GDAP1: variants seen among roughly 807,000 people sequenced by gnomAD.
GDAP1 encodes ganglioside induced differentiation associated protein 1, also known as ganglioside-induced differentiation-associated protein 1.
GDAP1 carries 34 observed loss-of-function variants against 40.1 expected under a neutral mutation model. The ratio of observed to expected loss-of-function variants is 0.85; its 90% CI spans 0.64 to 1.13. The LOEUF (loss-of-function observed/expected upper bound fraction) is 1.13. Ranked by LOEUF, GDAP1 falls within the 50% of genes most tolerant of loss-of-function variation. GDAP1 has a pLI of 0.00. For missense variants in GDAP1, 374 were observed against 433.7 expected (o/e 0.86, Z 1.22); for synonymous variants, 170 against 157.4 (o/e 1.08, Z -0.60).
intron 2 of GDAP1, among the ~76,000 whole-genome samples, chr8:74,390,461 T>G (rs1401623105): frequency 6.6e-6 from 1 of 152,230 alleles, no homozygotes; most frequent in Non-Finnish European, 1.5e-5. Context: ...TGCTGGAGTT[T>G]GCTGGAAGCC....
intron 2 of GDAP1, among the ~76,000 whole-genome samples, chr8:74,474,744 C>G (rs1451175236): frequency 3.9e-5 from 6 of 151,964 alleles, no homozygotes; most frequent in Admixed American, 2.0e-4. Context: ...GGATTTTGGC[C>G]TTCAGTTTTC....
intron 2 of GDAP1, among the ~76,000 whole-genome samples, chr8:74,398,174 T>A (rs1810243602): frequency 6.6e-6 from 1 of 152,162 alleles, no homozygotes; most frequent in Non-Finnish European, 1.5e-5. Context: ...TATTGGTGTA[T>A]AAGAATGCTT....
chr8:74,388,138 T>C (rs956797541), intron 2 of GDAP1, among the ~76,000 whole-genome samples: 1 of 152,186 alleles, frequency 6.6e-6, no homozygotes, highest in African/African-American at 2.4e-5. Context: ...CCTGGATTCA[T>C]TGATTCTTTG....
chr8:74,473,597 A>G (rs1806588267), intron 2 of GDAP1, among the ~76,000 whole-genome samples: 1 of 152,138 alleles, frequency 6.6e-6, no homozygotes, highest in Non-Finnish European at 1.5e-5. Flanking sequence ...GTTACAGATC[A>G]GATGGTTATA....
At chr8:74,432,038 A>G (rs1806033507) in intron 2 of GDAP1, among the ~76,000 whole-genome samples, 1 of 152,176 alleles carries the variant, frequency 6.6e-6, no homozygotes. Context: ...AATTTTAGTC[A>G]TTGTCATGCC....
At chr8:74,463,781 A>C (rs11990989) in intron 2 of GDAP1, among the ~76,000 whole-genome samples, 5,455 of 152,320 alleles carry the variant, frequency 0.036, 291 homozygotes, top group African/African-American at 0.12. Context: ...AATTACAAGA[A>C]AGCAATTCAG....
intron 2 of GDAP1, among the ~76,000 whole-genome samples, chr8:74,481,583 C>T (rs772364276): frequency 3.9e-5 from 6 of 152,148 alleles, no homozygotes; most frequent in Non-Finnish European, 8.8e-5. Flanking sequence ...CCAGACAAAC[C>T]TTCATTTTGG....
intron 2 of GDAP1, among the ~76,000 whole-genome samples, chr8:74,444,082 T>C (rs1271424462): frequency 6.6e-6 from 1 of 151,904 alleles, no homozygotes; most frequent in East Asian, 1.9e-4. Flanking sequence ...TAAAGCAGTT[T>C]AGATAGAAAA....
intron 2 of GDAP1, among the ~76,000 whole-genome samples, chr8:74,391,536 T>C (rs924592371): frequency 1.3e-5 from 2 of 151,670 alleles, no homozygotes; most frequent in Admixed American, 6.6e-5. Flanking sequence ...CCCAATGAGA[T>C]GACCTGGGTA....
In GDAP1 at chr8:74,415,514, A is replaced by G. The variant is rs367636255; in HGVS notation, c.165+64193A>G. 1.1e-4 allele frequency among the ~76,000 whole-genome samples: 16 copies of G among 150,116 alleles called. No homozygotes were observed. In the South Asian group the frequency reaches 3.1e-3, roughly 29 times the overall value. ...TGAAATATGTGGTGGGCTGCCACCTACATTGTGAGCCAGGCAGAAAACTGT... is the reference window on the plus strand; with the variant it reads ...TGAAATATGTGGTGGGCTGCCACCTGCATTGTGAGCCAGGCAGAAAACTGT... On this transcript the variant is annotated intron_variant, in intron 2 of 2. Coordinates refer to the GDAP1 transcript ENST00000523640.
intron 4 of GDAP1, among the ~76,000 whole-genome samples, chr8:74,362,555 C>G (rs1427720125): frequency 3.3e-5 from 5 of 152,212 alleles, no homozygotes; most frequent in Non-Finnish European, 7.3e-5. Context: ...CGCCGTTTAA[C>G]TCCTTCACTC....
rs1024274766 is a variant in GDAP1 at position 74,455,366 on chromosome 8, A to G, written c.166-33312A>G. 3.9e-5 allele frequency among the ~76,000 whole-genome samples: 6 copies of G among 151,934 alleles called. No individual in the cohort carries two copies. In the East Asian group the frequency reaches 7.7e-4, roughly 20 times the overall value. ...ACTAAACCTTTATCAGTTGTGAGAT[A>G]ATCCATTATTTTAGGTGTAACCAAG... On this transcript the variant is annotated intron_variant, in intron 2 of 2. Transcript: ENST00000523640.
chr8:74,356,711 TATATA>T (rs1809114341), intron 2 of GDAP1, among the ~76,000 whole-genome samples: 1 of 87,416 alleles, frequency 1.1e-5, no homozygotes, highest in Non-Finnish European at 2.4e-5. Flanking sequence ...TGTATATATA[TATATA>T]TTTTTTTTTT....
chr8:74,461,898 A>G (rs1178909461), intron 2 of GDAP1, among the ~76,000 whole-genome samples: 3 of 152,252 alleles, frequency 2.0e-5, no homozygotes, highest in Non-Finnish European at 4.4e-5. Context: ...GAATGAGAAA[A>G]ACAATTCTGT....
intron 4 of GDAP1, 76 bp downstream of exon 4, chr8:74,362,054 T>A: frequency 1.2e-6 from 1 of 804,700 alleles, no homozygotes; most frequent in Non-Finnish European, 2.2e-6. Flanking sequence ...GTACCACTAT[T>A]TCTAGAATAT....
chr8:74,419,316 C>G (rs1341998169), intron 2 of GDAP1, among the ~76,000 whole-genome samples: 1 of 152,134 alleles, frequency 6.6e-6, no homozygotes, highest in Non-Finnish European at 1.5e-5. Flanking sequence ...GTGGGGTATT[C>G]ATATAATGTA....
Position 74,411,167 on chromosome 8 carries a change from C to T in GDAP1, c.165+59846C>T, listed in dbSNP as rs554488377. On this transcript the variant is annotated intron_variant, in intron 2 of 2. Coordinates refer to the GDAP1 transcript ENST00000523640. Reference sequence around the variant, plus strand: ...GTTTGTAAGTTTCCTGAGGCCTCCCCAGCCATGCCGAACTGTGAGTCAATT... The same window carrying T: ...GTTTGTAAGTTTCCTGAGGCCTCCCTAGCCATGCCGAACTGTGAGTCAATT... Among the ~76,000 whole-genome samples the T allele has an allele frequency of 3.3e-5, 5 of 150,156 alleles. 1 individual carries two copies. The highest frequency in any genetic ancestry group is 1.3e-4 in the African/African-American group (5 of 39,496).
chr8:74,454,863 G>A (rs1003958422), intron 2 of GDAP1, among the ~76,000 whole-genome samples: 3 of 151,948 alleles, frequency 2.0e-5, no homozygotes, highest in Non-Finnish European at 2.9e-5. Flanking sequence ...AGACATATTT[G>A]AAACCAAGAG....
chr8:74,397,239 G>A (rs1346244866), intron 2 of GDAP1, among the ~76,000 whole-genome samples: 3 of 145,836 alleles, frequency 2.1e-5, no homozygotes, highest in Non-Finnish European at 4.5e-5. Flanking sequence ...TGAATTCATT[G>A]TAGATTCTGG....
Sources: allele counts gnomAD v4.1 joint callset (sites outside exome capture counted in the v4.1 genomes callset), GRCh38; gene constraint gnomAD v4.1.1; transcripts MANE v1.5; gene names NCBI Gene and HGNC (gene_info 2026-07-23, HGNC 2026-07-21).